ZNF257: variants seen among roughly 807,000 people sequenced by gnomAD.
ZNF257 encodes the protein bone marrow zinc finger 4.
In ZNF257, 12 loss-of-function variants were observed where a neutral mutation model predicts 11.9. That is an observed-to-expected ratio of 1.01 (90% CI 0.65 to 1.63). ZNF257 has a LOEUF of 1.63. Ranked by LOEUF, ZNF257 falls within the 40% of genes most tolerant of loss-of-function variation. The pLI is 0.00. For missense variants in ZNF257, 580 were observed against 665.5 expected (o/e 0.87, Z 1.41); for synonymous variants, 183 against 222.7 (o/e 0.82, Z 1.59).
Position 22,089,730 on chromosome 19 carries a change from CT to C in ZNF257, c.*291del. 1 of 572,800 alleles carries C rather than the reference CT, an allele frequency of 1.7e-6. No homozygotes were observed. The highest frequency in any genetic ancestry group is 2.7e-6 in the Non-Finnish European group (1 of 365,130). The allele number at this position is 572,800 out of a possible 1,614,324, so 35.5% of individuals were successfully genotyped here. ...ACAAATATGAAGAATGTGACAAGGC[CT>C]TTAAAAGTTCTCAACCCTTATTACA... On this transcript the variant is annotated 3_prime_UTR_variant, in exon 4 of 4. Transcript: ENST00000594947.
chr19:22,086,824 A>C (rs2022487577), intron 3 of ZNF257, among the ~76,000 whole-genome samples: 1 of 151,502 alleles, frequency 6.6e-6, no homozygotes, highest in Non-Finnish European at 1.5e-5. Context: ...ATGACACATC[A>C]CTTTTGTCTT....
intron 3 of ZNF257, 43 bp from the exon 4 acceptor site, chr19:22,087,934 G>C: frequency 6.9e-7 from 1 of 1,440,010 alleles, no homozygotes; most frequent in Non-Finnish European, 9.2e-7. Context: ...ATATTTACCT[G>C]AGTCTAGTAA....
intron 1 of ZNF257, among the ~76,000 whole-genome samples, chr19:22,053,454 G>T (rs1348574227): frequency 6.7e-6 from 1 of 149,658 alleles, no homozygotes; most frequent in Non-Finnish European, 1.5e-5. Context: ...TTGAAGAGAA[G>T]ACTTTAATAA....
chr19:22,072,997 T>TA (rs200402014), intron 2 of ZNF257, 62 bp downstream of exon 2: 236,035 of 1,431,936 alleles, frequency 0.16, 20,524 homozygotes, highest in African/African-American at 0.32. Flanking sequence ...TTTATTTATT[T>TA]TTTTTTTTGT....
intron 1 of ZNF257, among the ~76,000 whole-genome samples, chr19:22,064,917 G>T (rs2021901139): frequency 6.6e-6 from 1 of 151,946 alleles, no homozygotes; most frequent in African/African-American, 2.4e-5. Flanking sequence ...AGACGGGTGT[G>T]GTGGCACGCG....
intron 1 of ZNF257, among the ~76,000 whole-genome samples, chr19:22,057,607 A>C (rs938398636): frequency 6.6e-6 from 1 of 152,236 alleles, no homozygotes; most frequent in African/African-American, 2.4e-5. Flanking sequence ...TGTTTAAAAA[A>C]AATTCCACAG....
chr19:22,054,177 A>G (rs2021563210), intron 1 of ZNF257, among the ~76,000 whole-genome samples: 2 of 150,954 alleles, frequency 1.3e-5, no homozygotes, highest in African/African-American at 4.9e-5. Flanking sequence ...GGTTCAAGCT[A>G]TTCTCCTGTC....
At chr19:22,071,808 G>C (rs1181979902) in intron 1 of ZNF257, among the ~76,000 whole-genome samples, 4 of 152,024 alleles carry the variant, frequency 2.6e-5, no homozygotes, top group East Asian at 1.9e-4. Flanking sequence ...AAGAAGAAAG[G>C]GGTTCTTAAA....
intron 1 of ZNF257, among the ~76,000 whole-genome samples, chr19:22,061,114 TTTG>T (rs386388745): frequency 6.6e-6 from 1 of 152,044 alleles, no homozygotes; most frequent in Non-Finnish European, 1.5e-5. Flanking sequence ...CTCTTTTTTT[TTTG>T]TTCCATATGA....
chr19:22,089,468 G>T lies in ZNF257; in HGVS notation c.*26G>T, dbSNP rs2145723523. On this transcript the variant is annotated 3_prime_UTR_variant, in exon 4 of 4. Transcript: ENST00000594947. ...TGGAGAAAAACCCTACAAATGTGAA[G>T]AATGTGTCAAAGCTTTTAACTGTTC... is the stretch of plus-strand genomic sequence containing the variant. 1.3e-6 allele frequency: 2 copies of T among 1,589,436 alleles called. No individual in the cohort carries two copies. The highest frequency in any genetic ancestry group is 2.3e-5 in the East Asian group (1 of 44,200).
intron 3 of ZNF257, among the ~76,000 whole-genome samples, chr19:22,079,194 G>A (rs1157683490): frequency 1.3e-5 from 2 of 152,050 alleles, no homozygotes; most frequent in Non-Finnish European, 2.9e-5. Context: ...TTAAAGGGGG[G>A]TTCATTTCTT....
intron 3 of ZNF257, among the ~76,000 whole-genome samples, chr19:22,083,758 T>C (rs984000363): frequency 6.6e-6 from 1 of 152,164 alleles, no homozygotes; most frequent in Non-Finnish European, 1.5e-5. Context: ...ATACAATCTC[T>C]GTCTGTTTGT....
rs764720374 is a variant in ZNF257, at chr19:22,088,214, A to G, written c.464A>G (p.Tyr155Cys). 9.3e-6 allele frequency: 15 copies of G among 1,608,434 alleles called. No individual in the cohort carries two copies. The highest frequency in any genetic ancestry group is 1.1e-5 in the South Asian group (1 of 90,432). Reference protein sequence around the residue: ...YQCDKYVKVFYKFSNSDRHKI... With the variant: ...YQCDKYVKVFCKFSNSDRHKI... ...TGTGATAAATATGTAAAAGTCTTCT[A>G]TAAGTTTTCAAATTCAGATAGACAT... Residue 155 changes from tyrosine to cysteine, a missense_variant, in exon 4 of 4, where the codon TAT (tyrosine) becomes TGT (cysteine). Physicochemically the swap from Tyr to Cys is radical, Grantham distance 194. Transcript: ENST00000594947.
rs372577233 is a variant in ZNF257 at position 22,089,060 on chromosome 19, G to A, written c.1310G>A (p.Gly437Asp). 11 of 1,613,026 alleles carry A rather than the reference G, an allele frequency of 6.8e-6. No homozygotes were observed. In the African/African-American group the frequency reaches 1.3e-4, roughly 20 times the overall value. The change falls in exon 4 of 4, where the codon GGC (glycine) becomes GAC (aspartate). Residue 437 changes from glycine (G) to aspartate (D), a missense_variant. Physicochemically the swap from Gly to Asp is moderately conservative, Grantham distance 94 (BLOSUM62 -1). Coordinates refer to ENST00000594947, the MANE Select transcript of ZNF257 (RefSeq NM_033468.4). ...GEKPYKCEEC[G>D]KAFNRSSYLI... is the part of the protein sequence containing the mutation. ...AAACCCTACAAATGTGAAGAGTGTG[G>A]CAAAGCCTTTAACCGGTCTTCATAC...
intron 1 of ZNF257, among the ~76,000 whole-genome samples, chr19:22,058,117 G>A (rs1292669622): frequency 9.5e-6 from 1 of 105,654 alleles, no homozygotes; most frequent in African/African-American, 4.6e-5. Context: ...GTCTGTGTCT[G>A]GCTATGTGAT....
intron 1 of ZNF257, chr19:22,065,905 G>A (rs549603312): frequency 6.7e-4 from 102 of 152,310 alleles, no homozygotes; most frequent in African/African-American, 2.0e-3. Flanking sequence ...GAGAGCAACA[G>A]AGATGAAAGA....
In ZNF257 at chr19:22,089,588, T is replaced by G. The variant is rs755687290; in HGVS notation, c.*146T>G. The G allele has an allele frequency of 6.8e-7, 1 of 1,460,298 alleles. No individual in the cohort carries two copies. Among genetic ancestry groups the G allele is most frequent in the Admixed American group, 2.8e-5 (1 of 36,120 alleles). 90.5% of individuals were successfully genotyped at this position (1,460,298 alleles called of 1,614,324 possible). A position where few individuals can be genotyped will look rare whatever the true frequency, so the allele number is the denominator to read the frequency against. ...CTTTTAACAAATCCTCAACATTTAC[T>G]AAGCATAAAATAATTCATGCTGGAG... is the stretch of plus-strand genomic sequence containing the variant. On this transcript the variant is annotated 3_prime_UTR_variant, in exon 4 of 4. Coordinates refer to ENST00000594947, the MANE Select transcript of ZNF257 (RefSeq NM_033468.4).
chr19:22,072,815 C>A lies in ZNF257; in HGVS notation c.10C>A (p.Leu4Met). 1.9e-6 allele frequency: 3 copies of A among 1,610,338 alleles called. No individual in the cohort carries two copies. Among genetic ancestry groups the A allele is most frequent in the Non-Finnish European group, 2.5e-6 (3 of 1,178,484 alleles). The stretch of plus-strand genomic sequence containing the variant: ...GTGTTTGTGTGTTTTTCAGGGACCA[C>A]TGACAATTAGGGATGTGACTGTAGA... MGP[L>M]TIRDVTVEFS... is the part of the protein sequence containing the mutation. The change falls in exon 2 of 4, where the codon CTG (leucine) becomes ATG (methionine). Residue 4 changes from leucine to methionine, a missense_variant. Transcript: ENST00000594947.
Position 22,085,127 on chromosome 19 carries a change from A to G in ZNF257, c.227-2850A>G, listed in dbSNP as rs1035112478. Among the ~76,000 whole-genome samples, 19 of 151,976 alleles carry G rather than the reference A, an allele frequency of 1.3e-4. No individual in the cohort carries two copies. In the East Asian group the frequency reaches 3.5e-3, roughly 28 times the overall value. On this transcript the variant is annotated intron_variant, in intron 3 of 3. Transcript: ENST00000594947. ...GAGTTCAGTGGCGCGATTTCTGCTCACTGCAACCTCCGCCTCCTGGGTCCA... is the reference window on the plus strand; with the variant it reads ...GAGTTCAGTGGCGCGATTTCTGCTCGCTGCAACCTCCGCCTCCTGGGTCCA...
Sources: gnomAD v4.1 joint callset for allele counts (sites outside exome capture counted in the v4.1 genomes callset) on GRCh38, gnomAD v4.1.1 for gene constraint, MANE v1.5 for transcripts, NCBI Gene and HGNC (gene_info 2026-07-23, HGNC 2026-07-21) for gene names.